The following KIF20B variants were observed in gnomAD, a reference collection of about 807,000 sequenced individuals.
The protein encoded by KIF20B is kinesin family member 20B.
Under a neutral mutation model 232.5 loss-of-function variants are expected in KIF20B, and 188 were observed. The observed-to-expected ratio is 0.81, with a 90% confidence interval of 0.72 to 0.91. KIF20B has a LOEUF of 0.91. Ranked by LOEUF, KIF20B falls within the 40% of genes least tolerant of loss-of-function variation. The pLI, the probability that KIF20B is intolerant of heterozygous loss-of-function variation, is 0.00. For synonymous variants in KIF20B, 712 were observed against 683.0 expected, an observed-to-expected ratio of 1.04 and a Z score of -0.66; for missense variants, 2,154 against 2,055.9, an observed-to-expected ratio of 1.05 and a Z score of -0.92.
chr10:89,760,485 A>G (rs756850542), intron 27 of KIF20B, 41 bp from the exon 28 acceptor site: 13 of 1,148,842 alleles, frequency 1.1e-5, no homozygotes, highest in South Asian at 2.6e-5. Context: ...ATATATTTTC[A>G]GGTTACAATG....
intron 16 of KIF20B, 136 bp from the exon 17 acceptor site, chr10:89,727,720 T>C (rs974177635): frequency 1.4e-6 from 1 of 738,400 alleles, no homozygotes; most frequent in Non-Finnish European, 2.1e-6. Flanking sequence ...TAGGGTGTGC[T>C]TCTAGTGCTA....
intron 25 of KIF20B, among the ~76,000 whole-genome samples, chr10:89,754,296 T>C (rs949715602): frequency 7.9e-5 from 12 of 152,060 alleles, no homozygotes; most frequent in African/African-American, 2.9e-4. Context: ...TAAATGGACT[T>C]CATAGCAAAA....
At chr10:89,727,666 CAT>C (rs1843219387) in intron 16 of KIF20B, among the ~76,000 whole-genome samples, 188 bp from the exon 17 acceptor site, 1 of 152,076 alleles carries the variant, frequency 6.6e-6, no homozygotes, top group Non-Finnish European at 1.5e-5. Flanking sequence ...TTTTCTGAAA[CAT>C]TACCCTGTTG....
intron 18 of KIF20B, among the ~76,000 whole-genome samples, chr10:89,731,159 G>T (rs1055669178): frequency 1.3e-5 from 2 of 152,068 alleles, no homozygotes; most frequent in African/African-American, 2.4e-5. Flanking sequence ...CTTTGATTTG[G>T]TAAATAAAAA....
At chr10:89,756,772 A>G (rs1466542330) in intron 26 of KIF20B, among the ~76,000 whole-genome samples, 12 of 151,976 alleles carry the variant, frequency 7.9e-5, no homozygotes, top group East Asian at 7.7e-4. Flanking sequence ...AAATATATGA[A>G]TACATTTGAT....
intron 15 of KIF20B, among the ~76,000 whole-genome samples, chr10:89,725,555 C>G (rs1843165834): frequency 6.6e-6 from 1 of 151,906 alleles, no homozygotes; most frequent in Non-Finnish European, 1.5e-5. Context: ...AAAGGGTTGC[C>G]CTTGCCGGGC....
Position 89,715,136 on chromosome 10 carries a change from G to T in KIF20B, c.894G>T (p.Lys298Asn). 1 of 1,606,660 alleles carries T rather than the reference G, an allele frequency of 6.2e-7. No homozygotes were observed. Among genetic ancestry groups the T allele is most frequent in the South Asian group, 1.1e-5 (1 of 88,640 alleles). ...VPVSSKFQKR[K>N]MLRLSQDVKG... ...TATCATCTAAATTCCAAAAGAGAAAGATGCTGCGCCTTTCCCAAGACGTAA... is the reference window on the plus strand; with the variant it reads ...TATCATCTAAATTCCAAAAGAGAAATATGCTGCGCCTTTCCCAAGACGTAA... The change falls in exon 8 of 33, where the codon AAG becomes AAT. Residue 298 changes from lysine (K) to asparagine (N), a missense_variant. Coordinates refer to ENST00000371728, the MANE Select transcript of KIF20B (RefSeq NM_001284259.2).
At chr10:89,757,552 A>C (rs1842155194) in intron 26 of KIF20B, among the ~76,000 whole-genome samples, 1 of 151,758 alleles carries the variant, frequency 6.6e-6, no homozygotes, top group African/African-American at 2.4e-5. Context: ...TTGTCCCAAT[A>C]TTTTTCTTTA....
At chr10:89,743,714 G>A (rs974056101) in intron 21 of KIF20B, 94 bp from the exon 22 acceptor site, 2 of 795,978 alleles carry the variant, frequency 2.5e-6, no homozygotes, top group African/African-American at 3.7e-5. Flanking sequence ...TAAAGGATGT[G>A]AATCTTTGAA....
chr10:89,723,865 T>A, intron 13 of KIF20B, 99 bp from the exon 14 acceptor site: 1 of 962,512 alleles, frequency 1.0e-6, no homozygotes, highest in Non-Finnish European at 1.4e-6. Flanking sequence ...AGAATTACAA[T>A]TGACTAAATG....
chr10:89,733,199 A>G, intron 19 of KIF20B, 143 bp downstream of exon 19: 1 of 782,388 alleles, frequency 1.3e-6, no homozygotes, highest in South Asian at 1.7e-5. Flanking sequence ...TATTCTGGAA[A>G]GTTATACATT....
At chr10:89,716,575 C>G in intron 9 of KIF20B, 28 bp downstream of exon 9, 1 of 1,023,868 alleles carries the variant, frequency 9.8e-7, no homozygotes, top group Non-Finnish European at 1.5e-6. Flanking sequence ...TAAGAGTAAA[C>G]TCGAATCACC....
chr10:89,759,801 A>G (rs1842200757), intron 27 of KIF20B, among the ~76,000 whole-genome samples: 1 of 152,136 alleles, frequency 6.6e-6, no homozygotes, highest in African/African-American at 2.4e-5. Flanking sequence ...TTTCCCTTTT[A>G]TGAATTCAGT....
chr10:89,706,292 G>T (rs1181471429), intron 2 of KIF20B, among the ~76,000 whole-genome samples: 2 of 152,124 alleles, frequency 1.3e-5, no homozygotes, highest in African/African-American at 2.4e-5. Flanking sequence ...TGTCTCTTCA[G>T]ATCTTTTTCC....
At position 89,729,030 on chromosome 10, in the gene KIF20B, T is replaced by G. The variant is rs921091183; in HGVS notation, c.2272-98T>G. The G allele has an allele frequency of 2.2e-5, 24 of 1,108,302 alleles. No individual in the cohort carries two copies. The Admixed American group carries it at 2.7e-4, about 12-fold the overall frequency. 68.7% of individuals were successfully genotyped at this position (1,108,302 alleles called of 1,614,324 possible). A position where few individuals can be genotyped will look rare whatever the true frequency, so the allele number is the denominator to read the frequency against. On this transcript the variant is annotated intron_variant, in intron 17 of 32. Transcript: ENST00000371728. ...GATTAGCTTTATTTAACTTTAAAAT[T>G]TGAAGGAATTATAAAACTGTTTGCA...
chr10:89,736,684 C>A (rs1191449490), intron 19 of KIF20B, among the ~76,000 whole-genome samples: 2 of 152,080 alleles, frequency 1.3e-5, no homozygotes, highest in African/African-American at 4.8e-5. Context: ...TTAGTTGAAT[C>A]CTTCTGTACA....
rs1168624309 is a variant in KIF20B at position 89,725,011 on chromosome 10, A to AT, written c.1863-5dup. ...CTGTTTCTTAATGGGATTAATTTGTATTTTGAAGGGAGACTCTGCTTCAAG... is the reference window on the plus strand; with the variant it reads ...CTGTTTCTTAATGGGATTAATTTGTATTTTTGAAGGGAGACTCTGCTTCAAG... On this transcript the variant is annotated splice_polypyrimidine_tract_variant and intron_variant, in intron 14 of 32. Coordinates refer to ENST00000371728, the MANE Select transcript of KIF20B (RefSeq NM_001284259.2). The AT allele has an allele frequency of 6.2e-7, 1 of 1,611,034 alleles. No individual in the cohort carries two copies. Among genetic ancestry groups the AT allele is most frequent in the Admixed American group, 1.7e-5 (1 of 59,578 alleles).
Position 89,752,558 on chromosome 10 carries a change from TC to T in KIF20B, c.4223-8del, listed in dbSNP as rs772942949. The T allele has an allele frequency of 2.0e-5, 31 of 1,587,370 alleles. No homozygotes were observed. In the African/African-American group the frequency reaches 3.9e-4, roughly 20 times the overall value. On this transcript the variant is annotated splice_polypyrimidine_tract_variant and splice_region_variant and intron_variant, in intron 24 of 32. Coordinates refer to ENST00000371728, the MANE Select transcript of KIF20B (RefSeq NM_001284259.2). ...TGCTTTAAAACATAATTTTATGTCTTCAAATCAGAATTGGAAAAATGGAAGG... is the reference window on the plus strand; with the variant it reads ...TGCTTTAAAACATAATTTTATGTCTTAAATCAGAATTGGAAAAATGGAAGG...
intron 23 of KIF20B, among the ~76,000 whole-genome samples, chr10:89,748,731 CATCTT>C (rs1463335602): frequency 6.6e-6 from 1 of 152,118 alleles, no homozygotes; most frequent in Admixed American, 6.5e-5. Context: ...AATGTGGACA[CATCTT>C]AGATACTCTG....
Sources: gnomAD v4.1 joint callset for allele counts (sites outside exome capture counted in the v4.1 genomes callset) on GRCh38, gnomAD v4.1.1 for gene constraint, MANE v1.5 for transcripts, NCBI Gene and HGNC (gene_info 2026-07-23, HGNC 2026-07-21) for gene names.